The following RORA variants were observed in gnomAD, a reference collection of about 807,000 sequenced individuals.
RORA encodes nuclear receptor ROR-alpha.
RORA carries 7 observed loss-of-function variants against 69.5 expected under a neutral mutation model. The ratio of observed to expected loss-of-function variants is 0.10; its 90% CI spans 0.06 to 0.19. The LOEUF (loss-of-function observed/expected upper bound fraction) is 0.19, where lower values mean the gene tolerates loss of function less well. RORA is among the 10% of genes least tolerant of loss of function. The probability of loss-of-function intolerance (pLI) is 1.00; values close to 1 mark genes in which losing one functional copy is unlikely to be tolerated. For missense variants in RORA, 457 were observed against 663.0 expected, an observed-to-expected ratio of 0.69 and a Z score of 3.41; for synonymous variants, 261 against 240.8, an observed-to-expected ratio of 1.08 and a Z score of -0.78.
chr15:60,749,695 A>C (rs2071696674), intron 1 of RORA, among the ~76,000 whole-genome samples: 1 of 152,176 alleles, frequency 6.6e-6, no homozygotes, highest in Admixed American at 6.5e-5. Flanking sequence ...TTAGGCACCT[A>C]AAGATCTAAA....
intron 1 of RORA, among the ~76,000 whole-genome samples, chr15:60,866,397 T>C (rs2073487329): frequency 6.6e-6 from 1 of 152,262 alleles, no homozygotes; most frequent in Non-Finnish European, 1.5e-5. Context: ...TTCATCCATT[T>C]CTGTTACTGA....
intron 1 of RORA, among the ~76,000 whole-genome samples, chr15:61,219,126 C>T (rs868455096): frequency 6.6e-6 from 1 of 152,236 alleles, no homozygotes; most frequent in South Asian, 2.1e-4. Flanking sequence ...CACAAGCTCA[C>T]TGGTGGATTT....
At chr15:60,785,685 C>A (rs781468813) in intron 1 of RORA, among the ~76,000 whole-genome samples, 1 of 152,210 alleles carries the variant, frequency 6.6e-6, no homozygotes, top group Non-Finnish European at 1.5e-5. Flanking sequence ...AATACATAAT[C>A]CTTCCTCTAT....
At chr15:60,628,200 C>T (rs2069643317) in intron 2 of RORA, among the ~76,000 whole-genome samples, 2 of 152,170 alleles carry the variant, frequency 1.3e-5, no homozygotes, top group Non-Finnish European at 2.9e-5. Context: ...TTATGTTTAG[C>T]TGTCATGTCT....
chr15:61,072,991 C>T (rs2078389173), intron 1 of RORA, among the ~76,000 whole-genome samples: 1 of 152,182 alleles, frequency 6.6e-6, no homozygotes, highest in South Asian at 2.1e-4. Flanking sequence ...TTTGGGTAGA[C>T]CTAAGGTAGT....
At chr15:60,808,980 A>G (rs341421) in intron 1 of RORA, among the ~76,000 whole-genome samples, 33,138 of 151,914 alleles carry the variant, frequency 0.22, 3,862 homozygotes, top group African/African-American at 0.28. Context: ...ATGAGGACAC[A>G]AAGGCATAAG....
At chr15:60,868,386 A>C (rs1183916642) in intron 1 of RORA, among the ~76,000 whole-genome samples, 1 of 152,318 alleles carries the variant, frequency 6.6e-6, no homozygotes, top group East Asian at 1.9e-4. Context: ...TCAAGCTCTC[A>C]AGCTCTTAGC....
intron 1 of RORA, chr15:61,211,898 A>C (rs534555708): frequency 6.6e-6 from 1 of 152,332 alleles, no homozygotes; most frequent in Admixed American, 6.5e-5. Flanking sequence ...AAAACTGTTA[A>C]GTGCCATCAA....
intron 1 of RORA, among the ~76,000 whole-genome samples, chr15:60,907,335 C>T (rs1422300508): frequency 1.3e-5 from 2 of 152,044 alleles, no homozygotes; most frequent in African/African-American, 4.8e-5. Context: ...GTCCTGGTGG[C>T]CATTCCATCT....
intron 1 of RORA, among the ~76,000 whole-genome samples, chr15:60,955,912 T>C (rs1216616376): frequency 6.6e-6 from 1 of 152,208 alleles, no homozygotes; most frequent in Non-Finnish European, 1.5e-5. Flanking sequence ...TCAGATGACA[T>C]CTGAAATTGC....
intron 1 of RORA, among the ~76,000 whole-genome samples, chr15:60,791,678 T>C (rs2072419911): frequency 6.6e-6 from 1 of 152,326 alleles, no homozygotes; most frequent in East Asian, 1.9e-4. Flanking sequence ...TGCAAAAATA[T>C]ATGTGCATGA....
chr15:61,215,285 G>T (rs16943772), intron 1 of RORA, among the ~76,000 whole-genome samples: 1 of 151,980 alleles, frequency 6.6e-6, no homozygotes, highest in Non-Finnish European at 1.5e-5. Context: ...GTGACTTAAG[G>T]CATAGAAATG....
At chr15:61,122,546 G>A (rs1406938124) in intron 1 of RORA, among the ~76,000 whole-genome samples, 8 of 152,164 alleles carry the variant, frequency 5.3e-5, no homozygotes, top group Non-Finnish European at 1.0e-4. Context: ...ATATATGGCT[G>A]TATAACGTTT....
At chr15:60,858,902 G>A (rs564069713) in intron 1 of RORA, among the ~76,000 whole-genome samples, 8 of 151,958 alleles carry the variant, frequency 5.3e-5, no homozygotes, top group Admixed American at 1.3e-4. Context: ...TTGTGCAGCC[G>A]AAAGAAGGCC....
chr15:61,005,209 G>T (rs1433934773), intron 1 of RORA, among the ~76,000 whole-genome samples: 1 of 152,188 alleles, frequency 6.6e-6, no homozygotes, highest in African/African-American at 2.4e-5. Flanking sequence ...GCCAGGCATG[G>T]TGGCTCATGT....
At chr15:61,089,839 C>A (rs943288989) in intron 1 of RORA, among the ~76,000 whole-genome samples, 3 of 152,146 alleles carry the variant, frequency 2.0e-5, no homozygotes, top group Non-Finnish European at 4.4e-5. Context: ...GATGCCCTGA[C>A]CTCATCAAGC....
At chr15:60,680,856 A>G (rs1226821451) in intron 1 of RORA, among the ~76,000 whole-genome samples, 1 of 152,226 alleles carries the variant, frequency 6.6e-6, no homozygotes, top group East Asian at 1.9e-4. Flanking sequence ...TCAATTAATA[A>G]ACACATTTTT....
intron 1 of RORA, among the ~76,000 whole-genome samples, chr15:61,206,380 T>C (rs2079941783): frequency 6.6e-6 from 1 of 152,206 alleles, no homozygotes; most frequent in Admixed American, 6.5e-5. Flanking sequence ...ATTCATCAGC[T>C]ACTTATAAAA....
chr15:60,833,546 A>G (rs2073076629), intron 1 of RORA, among the ~76,000 whole-genome samples: 1 of 151,744 alleles, frequency 6.6e-6, no homozygotes, highest in Non-Finnish European at 1.5e-5. Context: ...CTTCCTTTCT[A>G]TGTCCCTTTC....
Sources: allele counts gnomAD v4.1 joint callset (sites outside exome capture counted in the v4.1 genomes callset), GRCh38; gene constraint gnomAD v4.1.1; transcripts MANE v1.5; gene names NCBI Gene and HGNC (gene_info 2026-07-23, HGNC 2026-07-21).